SAMD8: variants seen among roughly 807,000 people sequenced by gnomAD.
SAMD8 encodes the protein sphingomyelin synthase-related protein 1.
Under a neutral mutation model 42.0 loss-of-function variants are expected in SAMD8, and 20 were observed. That is an observed-to-expected ratio of 0.48 (90% CI 0.34 to 0.69). SAMD8 has a LOEUF of 0.69. Among genes scored for constraint, SAMD8 ranks in the 30% least tolerant of loss-of-function variants. SAMD8 has a pLI of 0.01. For synonymous variants in SAMD8, 162 were observed against 173.0 expected, an observed-to-expected ratio of 0.94 and a Z score of 0.50; for missense variants, 328 against 511.6, an observed-to-expected ratio of 0.64 and a Z score of 3.46.
chr10:75,117,748 C>T (rs1463409422), intron 1 of SAMD8, among the ~76,000 whole-genome samples: 1 of 152,044 alleles, frequency 6.6e-6, no homozygotes, highest in Non-Finnish European at 1.5e-5. Context: ...AAGATTTTAC[C>T]AAATTGATAT....
chr10:75,162,670 A>T lies in SAMD8; in HGVS notation c.579-1975A>T, dbSNP rs925089644. On this transcript the variant is annotated intron_variant, in intron 2 of 5. Coordinates refer to ENST00000542569, the MANE Select transcript of SAMD8 (RefSeq NM_001174156.2). ...GTCTCAAAAAAAAAAAAAAAAAAAA[A>T]CTGAATTGCCAAGATGAGAGTTAAT... 1.8e-3 allele frequency among the ~76,000 whole-genome samples: 251 copies of T among 142,458 alleles called. 1 individual carries two copies. Among genetic ancestry groups the T allele is most frequent in the African/African-American group, 6.4e-3 (243 of 37,922 alleles). The allele number at this position is 142,458 out of a possible 152,430, so 93.5% of individuals were successfully genotyped here.
chr10:75,173,078 T>A (rs1033246633), intron 4 of SAMD8, among the ~76,000 whole-genome samples: 19 of 152,210 alleles, frequency 1.2e-4, no homozygotes, highest in African/African-American at 4.6e-4. Context: ...AAAAATAAAT[T>A]AGATACCATC....
In SAMD8 at chr10:75,150,572, A is replaced by G. The variant is rs552595429; in HGVS notation, c.44A>G (p.Lys15Arg). ...NQLCIRRWTT[K>R]HVAVWLKDEG... ...CTCTGCATTCGCCGCTGGACTACCA[A>G]GCATGTAGCTGTGTGGCTGAAGGAT... is the stretch of plus-strand genomic sequence containing the variant. The change falls in exon 2 of 6, where the codon AAG becomes AGG. Residue 15 changes from lysine (K) to arginine (R), a missense_variant. Lys to Arg is a conservative substitution (Grantham distance 26). Transcript: ENST00000542569. 1.9e-6 allele frequency: 3 copies of G among 1,614,144 alleles called. No homozygotes were observed. In the African/African-American group the frequency reaches 4.0e-5, roughly 22 times the overall value.
intron 4 of SAMD8, among the ~76,000 whole-genome samples, chr10:75,173,985 AC>A (rs1840929751): frequency 6.6e-6 from 1 of 152,226 alleles, no homozygotes; most frequent in Non-Finnish European, 1.5e-5. Context: ...CATATAAAGC[AC>A]TTAGCAGCAT....
chr10:75,103,822 A>T, intron 1 of SAMD8: 2 of 1,185,122 alleles, frequency 1.7e-6, no homozygotes, highest in Non-Finnish European at 1.1e-6. Context: ...TCCCCTCCCC[A>T]CTTTCCCAGG....
At chr10:75,118,047 T>A (rs1478930455) in intron 1 of SAMD8, among the ~76,000 whole-genome samples, 1 of 152,328 alleles carries the variant, frequency 6.6e-6, no homozygotes. Flanking sequence ...AAAAAGATGT[T>A]ATTTGGTATA....
rs1350989959 is a variant in SAMD8, at chr10:75,178,611, C to T, written c.*1919C>T. 2 of 152,212 alleles carry T rather than the reference C, an allele frequency of 1.3e-5. No homozygotes were observed. The highest frequency in any genetic ancestry group is 6.5e-5 in the Admixed American group (1 of 15,268). The allele number at this position is 152,212 out of a possible 1,614,324, so 9.4% of individuals were successfully genotyped here. A position where few individuals can be genotyped will look rare whatever the true frequency, so the allele number is the denominator to read the frequency against. On this transcript the variant is annotated 3_prime_UTR_variant, in exon 6 of 6. Coordinates refer to ENST00000542569, the MANE Select transcript of SAMD8 (RefSeq NM_001174156.2). ...GAGTGCAGTGGTGCAAGGCTATAGT[C>T]CCAGGTTCTGAGGAGGCTGAGGCAG...
chr10:75,112,404 C>T (rs1450832276), intron 1 of SAMD8, among the ~76,000 whole-genome samples: 5 of 152,166 alleles, frequency 3.3e-5, no homozygotes, highest in African/African-American at 4.8e-5. Flanking sequence ...TTACAGGTGC[C>T]TTTTAAAACA....
Position 75,156,291 on chromosome 10 carries a change from A to G in SAMD8, c.578+5185A>G, listed in dbSNP as rs1013951584. Among the ~76,000 whole-genome samples, 6 of 152,204 alleles carry G rather than the reference A, an allele frequency of 3.9e-5. No individual in the cohort carries two copies. The South Asian group carries it at 8.3e-4, about 21-fold the overall frequency. On this transcript the variant is annotated intron_variant, in intron 2 of 5. Coordinates refer to ENST00000542569, the MANE Select transcript of SAMD8 (RefSeq NM_001174156.2). Reference sequence around the variant, plus strand: ...AACTAGACCAGGGCTGAGACCAAGCAAACAAAAATTGTGGGGTGAGAGGGG... The same window carrying G: ...AACTAGACCAGGGCTGAGACCAAGCGAACAAAAATTGTGGGGTGAGAGGGG...
chr10:75,103,437 C>T (rs1323411495), intron 1 of SAMD8, among the ~76,000 whole-genome samples: 3 of 152,116 alleles, frequency 2.0e-5, no homozygotes, highest in Non-Finnish European at 4.4e-5. Flanking sequence ...CTGCCAAGCT[C>T]CTCCCCCAAC....
intron 1 of SAMD8, among the ~76,000 whole-genome samples, chr10:75,137,795 G>A (rs1321832626): frequency 6.6e-6 from 1 of 152,134 alleles, no homozygotes. Flanking sequence ...AAGTTGGATG[G>A]TGGTAATTGT....
chr10:75,176,060 T>G lies in SAMD8; in HGVS notation c.793-6T>G. ...TGAAGCACTAATTCATAACTTTTCT[T>G]CATAGATATATGGCAGTGTATGGGA... On this transcript the variant is annotated splice_region_variant and splice_polypyrimidine_tract_variant and intron_variant, in intron 4 of 5. Coordinates refer to ENST00000542569, the MANE Select transcript of SAMD8 (RefSeq NM_001174156.2). This position sits in a 1 kb window ranked among gnomAD's most constrained non-coding sequence, Gnocchi z 4.3. 2 of 1,608,442 alleles carry G rather than the reference T, an allele frequency of 1.2e-6. No homozygotes were observed. Among genetic ancestry groups the G allele is most frequent in the Non-Finnish European group, 1.7e-6 (2 of 1,176,952 alleles).
intron 1 of SAMD8, among the ~76,000 whole-genome samples, chr10:75,144,631 CTG>C (rs1840094038): frequency 6.6e-6 from 1 of 151,426 alleles, no homozygotes; most frequent in African/African-American, 2.4e-5. Context: ...TCTTTTTTTT[CTG>C]TGTTTTATTT....
At chr10:75,134,005 C>T (rs1849329823) in intron 1 of SAMD8, among the ~76,000 whole-genome samples, 2 of 152,060 alleles carry the variant, frequency 1.3e-5, no homozygotes, top group East Asian at 1.9e-4. Context: ...TGTCTTTGCT[C>T]TTGTGAATAG....
chr10:75,135,291 A>G (rs1247263057), intron 1 of SAMD8, among the ~76,000 whole-genome samples: 1 of 151,434 alleles, frequency 6.6e-6, no homozygotes, highest in Non-Finnish European at 1.5e-5. Context: ...CGTCTCTACT[A>G]AAAATACAAA....
chr10:75,122,402 A>T (rs1362218711), intron 1 of SAMD8, among the ~76,000 whole-genome samples: 1 of 151,980 alleles, frequency 6.6e-6, no homozygotes, highest in Non-Finnish European at 1.5e-5. Context: ...ACCTGAGGTC[A>T]GGCATTCGAG....
At position 75,118,067 on chromosome 10, in the gene SAMD8, T is replaced by A. The variant is rs892025591; in HGVS notation, c.-16+6345T>A. 9.8e-5 allele frequency among the ~76,000 whole-genome samples: 15 copies of A among 152,312 alleles called. No individual in the cohort carries two copies. The South Asian group carries it at 3.1e-3, about 32-fold the overall frequency. On this transcript the variant is annotated intron_variant, in intron 1 of 5. Coordinates refer to ENST00000542569, the MANE Select transcript of SAMD8 (RefSeq NM_001174156.2). Reference sequence around the variant, plus strand: ...GATGTTATTTGGTATATATGACAACTTTTTTTGAGTGAAATTATAAGAGTT... The same window carrying A: ...GATGTTATTTGGTATATATGACAACATTTTTTGAGTGAAATTATAAGAGTT...
At chr10:75,160,361 T>A (rs1707863032) in intron 2 of SAMD8, among the ~76,000 whole-genome samples, 1 of 140,856 alleles carries the variant, frequency 7.1e-6, no homozygotes. Context: ...CACGCCAGGC[T>A]AATTTTTTTT....
At chr10:75,107,619 C>T (rs959231487), upstream of SAMD8, among the ~76,000 whole-genome samples, 1 of 152,016 alleles carries the variant, frequency 6.6e-6, no homozygotes, top group African/African-American at 2.4e-5. Flanking sequence ...CCCTTTTGCC[C>T]AGGCTAGAGT....
Sources: allele counts gnomAD v4.1 joint callset (sites outside exome capture counted in the v4.1 genomes callset), GRCh38; gene constraint gnomAD v4.1.1; non-coding constraint Gnocchi (gnomAD v3.1); transcripts MANE v1.5; gene names NCBI Gene and HGNC (gene_info 2026-07-23, HGNC 2026-07-21).